Variants in RASGRF2 observed in about 807,000 individuals in gnomAD.
RASGRF2 encodes the protein Ras protein specific guanine nucleotide releasing factor 2.
RASGRF2 carries 76 observed loss-of-function variants against 151.0 expected under a neutral mutation model. The observed-to-expected ratio is 0.50, with a 90% CI of 0.42 to 0.61. The LOEUF (loss-of-function observed/expected upper bound fraction) is 0.61. RASGRF2 is among the 20% of genes least tolerant of loss of function. RASGRF2 has a pLI of 0.00. For synonymous variants in RASGRF2, 504 were observed against 566.5 expected, an observed-to-expected ratio of 0.89 and a Z score of 1.57; for missense variants, 1,148 against 1,564.6, an observed-to-expected ratio of 0.73 and a Z score of 4.49.
chr5:80,973,018 G>A (rs112792974), intron 1 of RASGRF2, among the ~76,000 whole-genome samples: 15 of 152,142 alleles, frequency 9.9e-5, no homozygotes, highest in African/African-American at 2.2e-4. Context: ...CTCTCTTAAC[G>A]GTGTCTTTAA....
rs903849870 is a variant in RASGRF2, at chr5:81,085,696, G to A, written c.1162-106G>A. 4.2e-5 allele frequency: 64 copies of A among 1,509,214 alleles called. No individual in the cohort carries two copies. In the African/African-American group the frequency reaches 6.8e-4, roughly 16 times the overall value. 93.5% of individuals were successfully genotyped at this position (1,509,214 alleles called of 1,614,324 possible). On this transcript the variant is annotated intron_variant, in intron 7 of 26. Coordinates refer to ENST00000265080, the MANE Select transcript of RASGRF2 (RefSeq NM_006909.3). ...TAAAAAATGTGTAAAACAGTAAAAA[G>A]TGGGAGAGTAGAGACAAGCTTCTCG...
At chr5:81,127,365 T>G (rs534891786) in intron 17 of RASGRF2, among the ~76,000 whole-genome samples, 16 of 152,076 alleles carry the variant, frequency 1.1e-4, no homozygotes, top group African/African-American at 3.9e-4. Context: ...CTATAAAAAA[T>G]TTTTAAAATT....
chr5:81,070,316 T>A (rs1751733935), intron 3 of RASGRF2, 176 bp from the exon 4 acceptor site: 1 of 569,962 alleles, frequency 1.8e-6, no homozygotes, highest in Admixed American at 2.9e-5. Context: ...GGTGATACCA[T>A]GCTTGGGGTA....
intron 2 of RASGRF2, among the ~76,000 whole-genome samples, chr5:81,053,710 C>T (rs1242811340): frequency 6.6e-6 from 1 of 152,164 alleles, no homozygotes; most frequent in Non-Finnish European, 1.5e-5. Context: ...CACTGTCTTC[C>T]ACAATGGTTG....
intron 1 of RASGRF2, among the ~76,000 whole-genome samples, chr5:81,031,543 A>G (rs916642972): frequency 7.0e-4 from 107 of 152,364 alleles, no homozygotes; most frequent in African/African-American, 2.5e-3. Flanking sequence ...CTGCTCCTGA[A>G]TGACTACTGG....
chr5:81,117,280 G>C (rs1753187529), intron 15 of RASGRF2, among the ~76,000 whole-genome samples: 7 of 152,154 alleles, frequency 4.6e-5, no homozygotes, highest in Admixed American at 4.6e-4. Flanking sequence ...AATTGTACAT[G>C]AATAGAAATT....
In RASGRF2 at chr5:81,092,852, G is replaced by T; in HGVS notation, c.1442G>T (p.Arg481Leu). The T allele has an allele frequency of 6.2e-7, 1 of 1,613,272 alleles. No homozygotes were observed. Among genetic ancestry groups the T allele is most frequent in the Non-Finnish European group, 8.5e-7 (1 of 1,179,312 alleles). ...SVERGKLSKV[R>L]LGSLSLKKEG... Reference sequence around the variant, plus strand: ...GAGAGGGGGAAACTTAGTAAAGTTCGCCTGGGTTCGTTGTCTTTGAAAAAG... The same window carrying T: ...GAGAGGGGGAAACTTAGTAAAGTTCTCCTGGGTTCGTTGTCTTTGAAAAAG... The change falls in exon 10 of 27, where the codon CGC becomes CTC. Residue 481 changes from arginine (R) to leucine (L), a missense_variant. Physicochemically the swap from Arg to Leu is moderately radical, Grantham distance 102 (BLOSUM62 -2). Around this residue, in one of 5 missense-constraint regions of RASGRF2, gnomAD observed 646 missense variants for 807.4 expected, o/e 0.80. Coordinates refer to ENST00000265080, the MANE Select transcript of RASGRF2 (RefSeq NM_006909.3).
At chr5:81,224,538 G>A (rs6879111) in intron 26 of RASGRF2, among the ~76,000 whole-genome samples, 2,829 of 152,266 alleles carry the variant, frequency 0.019, 77 homozygotes, top group African/African-American at 0.064. Flanking sequence ...TCTCTTAGGT[G>A]TTTATCCAAA....
At chr5:81,095,447 A>G (rs1263297695) in intron 12 of RASGRF2, among the ~76,000 whole-genome samples, 2 of 151,902 alleles carry the variant, frequency 1.3e-5, no homozygotes, top group Non-Finnish European at 2.9e-5. Flanking sequence ...AAACCTGAAA[A>G]TAAGCTCCTG....
At chr5:81,085,697 T>G in intron 7 of RASGRF2, 105 bp from the exon 8 acceptor site, 1 of 1,511,264 alleles carries the variant, frequency 6.6e-7, no homozygotes. Flanking sequence ...CAGTAAAAAG[T>G]GGGAGAGTAG....
In RASGRF2 at chr5:81,003,245, C is replaced by T. The variant is rs1405035516; in HGVS notation, c.289-39632C>T. Among the ~76,000 whole-genome samples the T allele has an allele frequency of 2.2e-4, 26 of 117,326 alleles. No homozygotes were observed. In the South Asian group the frequency reaches 3.8e-3, roughly 17 times the overall value. The allele number at this position is 117,326 out of a possible 152,430, so 77.0% of individuals were successfully genotyped here. A position where few individuals can be genotyped will look rare whatever the true frequency, so the allele number is the denominator to read the frequency against. ...TTTTTTTTTTTTTTTTTTTTTGAGA[C>T]GGAGTCTCACTCTGTCGCCCAGGCT... On this transcript the variant is annotated intron_variant, in intron 1 of 26. Coordinates refer to ENST00000265080, the MANE Select transcript of RASGRF2 (RefSeq NM_006909.3).
At chr5:81,050,942 A>G (rs889753281) in intron 2 of RASGRF2, among the ~76,000 whole-genome samples, 2 of 152,174 alleles carry the variant, frequency 1.3e-5, no homozygotes, top group Non-Finnish European at 2.9e-5. Context: ...AGGGCAGAAG[A>G]AAGCTGGAAT....
intron 1 of RASGRF2, among the ~76,000 whole-genome samples, chr5:80,995,831 G>A (rs1228096960): frequency 6.6e-6 from 1 of 151,418 alleles, no homozygotes; most frequent in African/African-American, 2.4e-5. Context: ...TAGCTGTGAT[G>A]ACAGGCATGT....
chr5:81,123,477 TC>T (rs1753366883), intron 15 of RASGRF2, among the ~76,000 whole-genome samples, 164 bp from the exon 16 acceptor site: 1 of 152,176 alleles, frequency 6.6e-6, no homozygotes, highest in Non-Finnish European at 1.5e-5. Context: ...TTAGAGAAGA[TC>T]CTTTTTTAGA....
intron 6 of RASGRF2, 94 bp from the exon 7 acceptor site, chr5:81,080,502 C>T: frequency 7.7e-7 from 1 of 1,301,322 alleles, no homozygotes; most frequent in Non-Finnish European, 1.1e-6. Context: ...ATGTGTGACA[C>T]CTGGTGCTGG....
intron 1 of RASGRF2, among the ~76,000 whole-genome samples, chr5:81,040,224 A>G (rs1469056022): frequency 1.3e-5 from 2 of 151,842 alleles, no homozygotes; most frequent in African/African-American, 2.4e-5. Flanking sequence ...TCCCAGGATG[A>G]TCTCAAACTC....
chr5:81,225,511 ACC>A (rs1755952518), intron 26 of RASGRF2, among the ~76,000 whole-genome samples, 165 bp from the exon 27 acceptor site: 1 of 119,420 alleles, frequency 8.4e-6, no homozygotes, highest in African/African-American at 3.4e-5. Context: ...AGAGATGTTC[ACC>A]TTTTTTTTTT....
intron 12 of RASGRF2, among the ~76,000 whole-genome samples, chr5:81,097,798 A>G (rs1020666362): frequency 6.6e-6 from 1 of 152,192 alleles, no homozygotes. Context: ...AAAAAAAAAG[A>G]AAGTCAATGA....
chr5:80,979,233 T>G (rs2112234626), intron 1 of RASGRF2, among the ~76,000 whole-genome samples: 1 of 152,328 alleles, frequency 6.6e-6, no homozygotes, highest in East Asian at 1.9e-4. Flanking sequence ...GCTTTGTAAC[T>G]AATTGAAAAA....
Sources: allele counts gnomAD v4.1 joint callset (sites outside exome capture counted in the v4.1 genomes callset), GRCh38; gene constraint gnomAD v4.1.1; regional missense constraint gnomAD v4.1.1; transcripts MANE v1.5; gene names NCBI Gene and HGNC (gene_info 2026-07-23, HGNC 2026-07-21).